Variants in CEP112 observed in about 807,000 individuals in gnomAD.
The protein encoded by CEP112 is centrosomal protein of 112 kDa.
Under a neutral mutation model 153.0 loss-of-function variants are expected in CEP112, and 127 were observed. The observed-to-expected ratio is 0.83, with a 90% CI of 0.72 to 0.96. The LOEUF is 0.96. Among genes scored for constraint, CEP112 ranks in the 40% least tolerant of loss-of-function variants. The pLI is 0.00. For missense variants in CEP112, 1,089 were observed against 1,101.2 expected (o/e 0.99, Z 0.16); for synonymous variants, 358 against 374.4 (o/e 0.96, Z 0.51).
chr17:66,188,971 G>C (rs1439938390), intron 1 of CEP112, among the ~76,000 whole-genome samples: 1 of 152,122 alleles, frequency 6.6e-6, no homozygotes, highest in Non-Finnish European at 1.5e-5. Context: ...AACATCTATA[G>C]CTAAAGCAAA....
intron 20 of CEP112, among the ~76,000 whole-genome samples, chr17:65,883,781 A>C (rs919551670): frequency 3.3e-5 from 5 of 152,232 alleles, no homozygotes; most frequent in African/African-American, 1.2e-4. Flanking sequence ...AAAATAAGAG[A>C]TAAGGCAAGA....
intron 4 of CEP112, among the ~76,000 whole-genome samples, chr17:66,168,409 ATGTGTG>A (rs369199902): frequency 2.7e-5 from 4 of 146,822 alleles, no homozygotes; most frequent in Admixed American, 6.7e-5. Context: ...ATATGTGTAT[ATGTGTG>A]TGTGTGTGTA....
chr17:65,838,150 A>T (rs1173411930), intron 21 of CEP112, among the ~76,000 whole-genome samples: 2 of 152,056 alleles, frequency 1.3e-5, no homozygotes, highest in Admixed American at 6.6e-5. Flanking sequence ...AAAATGGATT[A>T]AAAAAAAGAC....
At position 66,040,200 on chromosome 17, in the gene CEP112, T is replaced by A. The variant is rs114727310; in HGVS notation, c.1219-10177A>T. Among the ~76,000 whole-genome samples, 766 of 152,308 alleles carry A rather than the reference T, an allele frequency of 5.0e-3. 8 individuals are homozygous for A. The highest frequency in any genetic ancestry group is 0.018 in the African/African-American group (733 of 41,572). On this transcript the variant is annotated intron_variant, in intron 12 of 26. Transcript: ENST00000535342. ...GTATGAGACTTCAGACTATTCTGTA[T>A]CTTTGTCAAAACTTTGTACTGTGAT...
intron 17 of CEP112, among the ~76,000 whole-genome samples, chr17:65,999,798 C>T (rs541502088): frequency 2.0e-5 from 3 of 152,204 alleles, no homozygotes; most frequent in South Asian, 2.1e-4. Flanking sequence ...TTAGCTCCCA[C>T]TTATGAGTGA....
intron 12 of CEP112, among the ~76,000 whole-genome samples, chr17:66,051,705 A>T (rs995939480): frequency 5.9e-5 from 9 of 152,212 alleles, no homozygotes; most frequent in African/African-American, 2.2e-4. Context: ...ACTCTTGTTT[A>T]AATTCCACAG....
intron 24 of CEP112, among the ~76,000 whole-genome samples, chr17:65,682,446 T>A (rs1160377051): frequency 2.6e-5 from 4 of 152,202 alleles, no homozygotes; most frequent in Non-Finnish European, 4.4e-5. Flanking sequence ...TTCTTGTTCA[T>A]CTTCCCTGCT....
At chr17:65,842,635 T>C (rs1245258718) in intron 21 of CEP112, among the ~76,000 whole-genome samples, 3 of 152,128 alleles carry the variant, frequency 2.0e-5, no homozygotes, top group African/African-American at 7.2e-5. Context: ...ATTTTGTTAA[T>C]AAACAGATGC....
chr17:66,021,191 G>A (rs2064987589), intron 16 of CEP112, among the ~76,000 whole-genome samples: 1 of 152,078 alleles, frequency 6.6e-6, no homozygotes, highest in Non-Finnish European at 1.5e-5. Context: ...GGACCCAACA[G>A]GACAATGCCA....
chr17:66,020,922 A>C (rs2064975244), intron 16 of CEP112, among the ~76,000 whole-genome samples: 1 of 152,154 alleles, frequency 6.6e-6, no homozygotes, highest in Non-Finnish European at 1.5e-5. Flanking sequence ...AGAAAGTGAA[A>C]GAAAACTTCA....
At chr17:66,126,638 TAATA>T (rs2069864981) in intron 6 of CEP112, among the ~76,000 whole-genome samples, 1 of 152,174 alleles carries the variant, frequency 6.6e-6, no homozygotes, top group South Asian at 2.1e-4. Context: ...TGCTAGTTTT[TAATA>T]AATAAATCTC....
intron 23 of CEP112, among the ~76,000 whole-genome samples, chr17:65,736,419 A>T (rs543047615): frequency 6.6e-6 from 1 of 152,174 alleles, no homozygotes; most frequent in Non-Finnish European, 1.5e-5. Flanking sequence ...AATGCCCAGT[A>T]GTAGTCAGAA....
At chr17:65,768,160 C>A (rs1329041718) in intron 21 of CEP112, among the ~76,000 whole-genome samples, 2 of 152,014 alleles carry the variant, frequency 1.3e-5, no homozygotes, top group Non-Finnish European at 2.9e-5. Flanking sequence ...AATCAATTAA[C>A]ACATATTTTA....
intron 24 of CEP112, among the ~76,000 whole-genome samples, chr17:65,644,025 A>ACAG (rs2045297332): frequency 6.6e-6 from 1 of 152,186 alleles, no homozygotes; most frequent in South Asian, 2.1e-4. Context: ...CAGCTTTTGC[A>ACAG]CTATCTTGGT....
intron 20 of CEP112, among the ~76,000 whole-genome samples, chr17:65,866,873 C>T (rs1412511719): frequency 6.6e-6 from 1 of 152,274 alleles, no homozygotes; most frequent in East Asian, 1.9e-4. Flanking sequence ...TCCTCTTCAT[C>T]TTGCTCACCC....
intron 4 of CEP112, among the ~76,000 whole-genome samples, chr17:66,137,735 A>C (rs1157963706): frequency 6.6e-6 from 1 of 152,168 alleles, no homozygotes; most frequent in African/African-American, 2.4e-5. Context: ...GTCCTTTAAA[A>C]ATGAAAGAGA....
intron 18 of CEP112, among the ~76,000 whole-genome samples, chr17:65,941,792 T>G (rs1353312906): frequency 6.6e-6 from 1 of 150,646 alleles, no homozygotes; most frequent in Non-Finnish European, 1.5e-5. Context: ...GTTTTGTTGT[T>G]TTTTTTTTGG....
intron 24 of CEP112, among the ~76,000 whole-genome samples, chr17:65,659,927 T>G (rs1000410606): frequency 6.6e-6 from 1 of 151,964 alleles, no homozygotes; most frequent in Non-Finnish European, 1.5e-5. Flanking sequence ...TCAAGATGGA[T>G]GAGAGGAAGA....
chr17:65,704,077 G>A (rs1567889203), intron 23 of CEP112, among the ~76,000 whole-genome samples: 8 of 152,014 alleles, frequency 5.3e-5, no homozygotes, highest in East Asian at 3.9e-4. Flanking sequence ...CCAGTATGAC[G>A]GACGTCCTCA....
Sources: allele counts gnomAD v4.1 joint callset (sites outside exome capture counted in the v4.1 genomes callset), GRCh38; gene constraint gnomAD v4.1.1; transcripts MANE v1.5; gene names NCBI Gene and HGNC (gene_info 2026-07-23, HGNC 2026-07-21).